Variants in MAP2K5 observed in about 807,000 individuals in gnomAD.
MAP2K5 encodes the protein mitogen-activated protein kinase kinase 5, also known as dual specificity mitogen-activated protein kinase kinase 5.
Under a neutral mutation model 83.1 loss-of-function variants are expected in MAP2K5, and 49 were observed. The ratio of observed to expected loss-of-function variants is 0.59; its 90% confidence interval spans 0.47 to 0.75. MAP2K5 has a LOEUF of 0.75. Among genes scored for constraint, MAP2K5 ranks in the 30% least tolerant of loss-of-function variants. The pLI, the probability that MAP2K5 is intolerant of heterozygous loss-of-function variation, is 0.00. For synonymous variants in MAP2K5, 202 were observed against 191.8 expected, an observed-to-expected ratio of 1.05 and a Z score of -0.44; for missense variants, 457 against 557.5, an observed-to-expected ratio of 0.82 and a Z score of 1.82.
intron 9 of MAP2K5, among the ~76,000 whole-genome samples, chr15:67,634,920 A>G (rs1489807253): frequency 6.6e-6 from 1 of 152,122 alleles, no homozygotes; most frequent in Non-Finnish European, 1.5e-5. Flanking sequence ...GATTATTGAT[A>G]TGTTTGGATT....
In MAP2K5 at chr15:67,755,272, C is replaced by G. The variant is rs186219168; in HGVS notation, c.1134+6671C>G. On this transcript the variant is annotated intron_variant, in intron 19 of 21. Coordinates refer to ENST00000178640, the MANE Select transcript of MAP2K5 (RefSeq NM_145160.3). This position sits in a 1 kb window ranked among gnomAD's most constrained non-coding sequence, Gnocchi z 4.7. Reference sequence around the variant, plus strand: ...AGATTACAGGTGTGAGCCACCACTCCTGGCTTTTAGAAGCTTTTTAGTAAC... The same window carrying G: ...AGATTACAGGTGTGAGCCACCACTCGTGGCTTTTAGAAGCTTTTTAGTAAC... Among the ~76,000 whole-genome samples the G allele has an allele frequency of 2.9e-3, 443 of 152,304 alleles. 2 individuals are homozygous for G. The highest frequency in any genetic ancestry group is 5.1e-3 in the Non-Finnish European group (350 of 68,028).
Position 67,772,769 on chromosome 15 carries a change from A to T in MAP2K5, c.1242+17A>T. Reference sequence around the variant, plus strand: ...GAATTGATGGTAAGTGAATGTTTTTAGTTACATTAGAATTCTCAGTTATAT... The same window carrying T: ...GAATTGATGGTAAGTGAATGTTTTTTGTTACATTAGAATTCTCAGTTATAT... On this transcript the variant is annotated intron_variant, in intron 21 of 21. Transcript: ENST00000178640. 1 of 1,589,744 alleles carries T rather than the reference A, an allele frequency of 6.3e-7. No individual in the cohort carries two copies. The highest frequency in any genetic ancestry group is 8.6e-7 in the Non-Finnish European group (1 of 1,166,896).
Position 67,806,652 on chromosome 15 carries a change from C to A in MAP2K5, c.1249C>A (p.Pro417Thr). 1 of 1,550,582 alleles carries A rather than the reference C, an allele frequency of 6.4e-7. No homozygotes were observed. Among genetic ancestry groups the A allele is most frequent in the Non-Finnish European group, 8.7e-7 (1 of 1,146,940 alleles). Reference protein sequence around the residue: ...RPAPEELMGHPFIVQFNDGNA... With the variant: ...RPAPEELMGHTFIVQFNDGNA... ...CTCCTCCTCTTCCCCGCAGGGCCACCCGTTCATCGTGCAGTTCAATGATGG... is the reference window on the plus strand; with the variant it reads ...CTCCTCCTCTTCCCCGCAGGGCCACACGTTCATCGTGCAGTTCAATGATGG... Residue 417 changes from proline to threonine, a missense_variant, in exon 22 of 22, where the codon CCG becomes ACG. Coordinates refer to ENST00000178640, the MANE Select transcript of MAP2K5 (RefSeq NM_145160.3).
chr15:67,564,066 T>C (rs1425043663), intron 3 of MAP2K5, among the ~76,000 whole-genome samples: 1 of 152,200 alleles, frequency 6.6e-6, no homozygotes, highest in Non-Finnish European at 1.5e-5. Context: ...TTTGTTTTGT[T>C]ATATCTGAGT....
chr15:67,785,465 G>A lies in MAP2K5; in HGVS notation c.1242+12713G>A, dbSNP rs757022291. ...ACTACTTGAGTGGCACAGCTGTAGG[G>A]AATACAGAGGGCTATCAGACACTAA... On this transcript the variant is annotated intron_variant, in intron 21 of 21. Coordinates refer to ENST00000178640, the MANE Select transcript of MAP2K5 (RefSeq NM_145160.3). This position sits in a 1 kb window ranked among gnomAD's most constrained non-coding sequence, Gnocchi z 4.4. 2.7e-4 allele frequency among the ~76,000 whole-genome samples: 41 copies of A among 152,204 alleles called. No individual in the cohort carries two copies. Among genetic ancestry groups the A allele is most frequent in the Non-Finnish European group, 4.6e-4 (31 of 68,034 alleles).
intron 19 of MAP2K5, among the ~76,000 whole-genome samples, chr15:67,763,930 A>G (rs2089997466): frequency 6.6e-6 from 1 of 152,224 alleles, no homozygotes; most frequent in Non-Finnish European, 1.5e-5. Context: ...TTGTTGGGCC[A>G]GGGCAAAGGA....
chr15:67,554,070 G>T (rs1458747991), intron 2 of MAP2K5, among the ~76,000 whole-genome samples: 2 of 151,872 alleles, frequency 1.3e-5, no homozygotes, highest in African/African-American at 4.8e-5. Context: ...TACATTTTTG[G>T]TTTTTTTGAA....
At chr15:67,653,076 G>C (rs1187526333) in intron 11 of MAP2K5, among the ~76,000 whole-genome samples, 1 of 151,950 alleles carries the variant, frequency 6.6e-6, no homozygotes, top group Non-Finnish European at 1.5e-5. Context: ...GTCAGTTTTG[G>C]TAGTTTGTGT....
chr15:67,786,650 A>G lies in MAP2K5; in HGVS notation c.1242+13898A>G, dbSNP rs975354372. 3.3e-5 allele frequency among the ~76,000 whole-genome samples: 5 copies of G among 152,182 alleles called. No individual in the cohort carries two copies. The highest frequency in any genetic ancestry group is 2.6e-4 in the Admixed American group (4 of 15,284). ...TCGGGCCTGAGTACAGAACTTGGAA[A>G]GTGGTGGTACAACAGAAAGCCAGCT... On this transcript the variant is annotated intron_variant, in intron 21 of 21. Transcript: ENST00000178640. This position sits in a 1 kb window ranked among gnomAD's most constrained non-coding sequence, Gnocchi z 4.7.
Position 67,543,603 on chromosome 15 carries a change from C to T in MAP2K5, c.135+133C>T. On this transcript the variant is annotated intron_variant, in intron 1 of 21. Transcript: ENST00000178640. This position sits in a 1 kb window ranked among gnomAD's most constrained non-coding sequence, Gnocchi z 4.3. The stretch of plus-strand genomic sequence containing the variant: ...GCTTCCTGTGGAGGCAGTTTTATTG[C>T]TTCAGGCACAGCATTGATAAATTGC... 1 of 967,268 alleles carries T rather than the reference C, an allele frequency of 1.0e-6. No individual in the cohort carries two copies. Among genetic ancestry groups the T allele is most frequent in the South Asian group, 1.6e-5 (1 of 63,978 alleles). 59.9% of individuals were successfully genotyped at this position (967,268 alleles called of 1,614,324 possible).
At position 67,770,396 on chromosome 15, in the gene MAP2K5, G is replaced by A. The variant is rs2090119532; in HGVS notation, c.1196+733G>A. Among the ~76,000 whole-genome samples, 1 of 152,128 alleles carries A rather than the reference G, an allele frequency of 6.6e-6. No individual in the cohort carries two copies. The highest frequency in any genetic ancestry group is 1.5e-5 in the Non-Finnish European group (1 of 68,032). Reference sequence around the variant, plus strand: ...TTCCCTCGTCCTGCAGGACTCATGTGGCCTTGGGAGGCCCAGGTATTCCTC... The same window carrying A: ...TTCCCTCGTCCTGCAGGACTCATGTAGCCTTGGGAGGCCCAGGTATTCCTC... On this transcript the variant is annotated intron_variant, in intron 20 of 21. Transcript: ENST00000178640. The surrounding 1 kb of genome is among the most constrained non-coding windows in gnomAD (Gnocchi z 5.0).
At chr15:67,595,578 T>G (rs1329922552) in intron 7 of MAP2K5, among the ~76,000 whole-genome samples, 1 of 152,202 alleles carries the variant, frequency 6.6e-6, no homozygotes, top group African/African-American at 2.4e-5. Flanking sequence ...TTTTCTGTGT[T>G]GATCCATAAT....
intron 16 of MAP2K5, among the ~76,000 whole-genome samples, chr15:67,726,173 A>T (rs2089091712): frequency 6.6e-6 from 1 of 152,206 alleles, no homozygotes; most frequent in African/African-American, 2.4e-5. Flanking sequence ...AGGTAATGAA[A>T]CTAGGTATTC....
At chr15:67,600,930 C>A (rs535895864) in intron 8 of MAP2K5, among the ~76,000 whole-genome samples, 181 bp downstream of exon 8, 42 of 152,216 alleles carry the variant, frequency 2.8e-4, no homozygotes, top group African/African-American at 9.1e-4. Context: ...ATTTATATTG[C>A]CTTTTTAATA....
At chr15:67,788,154 A>G (rs1358337015) in intron 21 of MAP2K5, among the ~76,000 whole-genome samples, 1 of 152,190 alleles carries the variant, frequency 6.6e-6, no homozygotes, top group East Asian at 1.9e-4. Context: ...TTTATATGTA[A>G]TTAGGGAACT....
chr15:67,710,690 G>C (rs1169555472), intron 16 of MAP2K5, among the ~76,000 whole-genome samples: 11 of 151,974 alleles, frequency 7.2e-5, no homozygotes, highest in Non-Finnish European at 5.9e-5. Flanking sequence ...TTTTAGTAGA[G>C]ATGGGGTTTC....
intron 17 of MAP2K5, among the ~76,000 whole-genome samples, chr15:67,740,383 T>C (rs761109799): frequency 3.9e-5 from 6 of 152,180 alleles, no homozygotes; most frequent in Non-Finnish European, 5.9e-5. Flanking sequence ...TGTCCCATCC[T>C]CCCACTCTAT....
chr15:67,568,224 G>C (rs1041812412), intron 3 of MAP2K5, among the ~76,000 whole-genome samples: 5 of 152,270 alleles, frequency 3.3e-5, no homozygotes, highest in Admixed American at 1.3e-4. Context: ...TAGTACAAGA[G>C]TCCTTATATT....
chr15:67,716,922 T>G (rs895888088), intron 16 of MAP2K5, among the ~76,000 whole-genome samples: 5 of 152,242 alleles, frequency 3.3e-5, no homozygotes, highest in African/African-American at 1.2e-4. Flanking sequence ...TTGTTTCACT[T>G]TATAAGCATC....
Sources: gnomAD v4.1 joint callset for allele counts (sites outside exome capture counted in the v4.1 genomes callset) on GRCh38, gnomAD v4.1.1 for gene constraint, Gnocchi (gnomAD v3.1) non-coding constraint, MANE v1.5 for transcripts, NCBI Gene and HGNC (gene_info 2026-07-23, HGNC 2026-07-21) for gene names.